Variants in SBF2 observed in about 807,000 individuals in gnomAD.
SBF2 encodes myotubularin-related protein 13.
Under a neutral mutation model 225.2 loss-of-function variants are expected in SBF2, and 112 were observed. The ratio of observed to expected loss-of-function variants is 0.50; its 90% confidence interval spans 0.43 to 0.58. The LOEUF (loss-of-function observed/expected upper bound fraction) is 0.58. Among genes scored for constraint, SBF2 ranks in the 20% least tolerant of loss-of-function variants. SBF2 has a pLI of 0.00. For synonymous variants in SBF2, 763 were observed against 773.3 expected, an observed-to-expected ratio of 0.99 and a Z score of 0.22; for missense variants, 1,996 against 2,206.2, an observed-to-expected ratio of 0.90 and a Z score of 1.91.
intron 2 of SBF2, among the ~76,000 whole-genome samples, chr11:10,187,296 C>T (rs1020188811): frequency 1.3e-5 from 2 of 150,722 alleles, no homozygotes. Context: ...CTCTCTCTCT[C>T]CTTTTTCTCT....
chr11:10,120,394 T>C (rs185672922), intron 2 of SBF2, among the ~76,000 whole-genome samples: 1 of 152,364 alleles, frequency 6.6e-6, no homozygotes, highest in Admixed American at 6.5e-5. Flanking sequence ...AATATGGGTG[T>C]GCAAATATCT....
At chr11:9,958,959 G>A in intron 16 of SBF2, 6 of 718,018 alleles carry the variant, frequency 8.4e-6, no homozygotes, top group South Asian at 1.7e-5. Flanking sequence ...GAATGTGGAT[G>A]TGGTACTGCT....
chr11:9,972,107 C>T (rs1327998487), intron 13 of SBF2, among the ~76,000 whole-genome samples: 1 of 152,180 alleles, frequency 6.6e-6, no homozygotes, highest in African/African-American at 2.4e-5. Flanking sequence ...AGCTTGGCCA[C>T]TTACTAGTAG....
chr11:9,833,858 C>T (rs928853563), intron 26 of SBF2, among the ~76,000 whole-genome samples: 4 of 150,504 alleles, frequency 2.7e-5, no homozygotes, highest in African/African-American at 9.8e-5. Context: ...GCAACCTCTG[C>T]CTCCGGGGTT....
At chr11:10,012,303 C>T (rs1258255292) in intron 6 of SBF2, among the ~76,000 whole-genome samples, 1 of 152,124 alleles carries the variant, frequency 6.6e-6, no homozygotes, top group Non-Finnish European at 1.5e-5. Context: ...CACCATCACA[C>T]CTGGCTAGTT....
At chr11:10,055,198 G>A (rs957956235) in intron 2 of SBF2, among the ~76,000 whole-genome samples, 3 of 152,118 alleles carry the variant, frequency 2.0e-5, no homozygotes, top group South Asian at 4.2e-4. Context: ...CACCAAGCCC[G>A]GTCAGAATGG....
chr11:9,926,316 T>TA (rs1470179796), intron 16 of SBF2, among the ~76,000 whole-genome samples: 12 of 151,310 alleles, frequency 7.9e-5, no homozygotes, highest in East Asian at 1.9e-4. Flanking sequence ...GCCTTAAGAA[T>TA]AAAAAAAATT....
At chr11:10,042,194 A>C (rs1372660600) in intron 3 of SBF2, among the ~76,000 whole-genome samples, 1 of 152,196 alleles carries the variant, frequency 6.6e-6, no homozygotes, top group Non-Finnish European at 1.5e-5. Flanking sequence ...GAATAGCACC[A>C]AGCTGGGCTG....
intron 33 of SBF2, among the ~76,000 whole-genome samples, chr11:9,794,740 CTT>C (rs1288375159): frequency 8.0e-6 from 1 of 125,668 alleles, no homozygotes; most frequent in East Asian, 2.7e-4. Flanking sequence ...ACCAGTTATA[CTT>C]ACTACCTTCC....
chr11:10,010,959 T>G (rs1377521794), intron 6 of SBF2, among the ~76,000 whole-genome samples: 1 of 152,204 alleles, frequency 6.6e-6, no homozygotes, highest in African/African-American at 2.4e-5. Flanking sequence ...TTCACATCCC[T>G]TGTAAGTTGT....
chr11:9,810,301 C>T (rs1321787275), intron 30 of SBF2: 2 of 151,956 alleles, frequency 1.3e-5, no homozygotes, highest in African/African-American at 2.4e-5. Flanking sequence ...AAAAGATACT[C>T]CTATTTGTCT....
intron 1 of SBF2, among the ~76,000 whole-genome samples, chr11:10,250,615 T>C (rs1485927418): frequency 2.6e-5 from 4 of 152,242 alleles, no homozygotes; most frequent in African/African-American, 4.8e-5. Flanking sequence ...TTTCATTCAA[T>C]TGTCATTTTC....
intron 1 of SBF2, among the ~76,000 whole-genome samples, chr11:10,289,157 T>C (rs1422937841): frequency 6.6e-6 from 1 of 152,226 alleles, no homozygotes; most frequent in East Asian, 1.9e-4. Flanking sequence ...GACAGCACCC[T>C]GGCTTGGCCC....
chr11:10,046,436 C>G (rs760912357), intron 2 of SBF2, among the ~76,000 whole-genome samples: 2 of 152,090 alleles, frequency 1.3e-5, no homozygotes, highest in African/African-American at 2.4e-5. Flanking sequence ...GAATTCATCC[C>G]AGGCATGCAA....
intron 6 of SBF2, among the ~76,000 whole-genome samples, chr11:10,024,885 A>G (rs528700389): frequency 6.6e-6 from 1 of 152,238 alleles, no homozygotes; most frequent in African/African-American, 2.4e-5. Context: ...TCTTTGTTAA[A>G]TCAGTGTTTC....
chr11:9,995,212 A>C (rs186363001), intron 9 of SBF2, among the ~76,000 whole-genome samples: 1 of 152,354 alleles, frequency 6.6e-6, no homozygotes, highest in East Asian at 1.9e-4. Flanking sequence ...AAAACAAAGT[A>C]ACATTTGAGT....
chr11:10,099,518 T>C (rs1175396957), intron 2 of SBF2, among the ~76,000 whole-genome samples: 1 of 152,148 alleles, frequency 6.6e-6, no homozygotes, highest in African/African-American at 2.4e-5. Context: ...CATGAAGGTA[T>C]AAAACTAACT....
At chr11:10,125,487 G>GT (rs1476911484) in intron 2 of SBF2, among the ~76,000 whole-genome samples, 2 of 152,130 alleles carry the variant, frequency 1.3e-5, no homozygotes, top group Non-Finnish European at 2.9e-5. Flanking sequence ...AGAAAGGGCA[G>GT]TAAGTCTATA....
chr11:10,135,907 C>T (rs1030739232), intron 2 of SBF2, among the ~76,000 whole-genome samples: 4 of 152,116 alleles, frequency 2.6e-5, no homozygotes, highest in Admixed American at 1.3e-4. Context: ...TACTGCAGCG[C>T]CCCACTCTCC....
Sources: allele counts gnomAD v4.1 joint callset (sites outside exome capture counted in the v4.1 genomes callset), GRCh38; gene constraint gnomAD v4.1.1; transcripts MANE v1.5; gene names NCBI Gene and HGNC (gene_info 2026-07-23, HGNC 2026-07-21).